GLIS3: variants seen among roughly 807,000 people sequenced by gnomAD.
The protein encoded by GLIS3 is GLIS family zinc finger 3.
A neutral mutation model predicts 78.6 loss-of-function variants in GLIS3; 53 were observed. The observed-to-expected ratio is 0.67, with a 90% confidence interval of 0.54 to 0.85. The LOEUF is 0.85. GLIS3 is among the 40% of genes least tolerant of loss of function. The pLI, the probability that GLIS3 is intolerant of heterozygous loss-of-function variation, is 0.00. For synonymous variants in GLIS3, 684 were observed against 509.9 expected, an observed-to-expected ratio of 1.34 and a Z score of -4.60; for missense variants, 1,703 against 1,231.1, an observed-to-expected ratio of 1.38 and a Z score of -5.74.
the GLIS3 span, among the ~76,000 whole-genome samples, chr9:4,416,251 T>TA: frequency 7.8e-5 from 7 of 89,894 alleles, 1 homozygote; most frequent in Admixed American, 1.2e-4. Flanking sequence ...GACACTGTTT[T>TA]TAAAAAAAAA....
intron 2 of GLIS3, among the ~76,000 whole-genome samples, chr9:4,145,352 C>G (rs1230469189): frequency 2.0e-5 from 3 of 152,210 alleles, no homozygotes; most frequent in Admixed American, 6.5e-5. Flanking sequence ...AAATGAAAAA[C>G]TACACCCAAA....
upstream of GLIS3, among the ~76,000 whole-genome samples, chr9:4,300,611 A>T (rs73384164): frequency 0.059 from 8,963 of 152,074 alleles, 869 homozygotes; most frequent in African/African-American, 0.2. Flanking sequence ...AAAATTCTGA[A>T]CACAGGCTGT....
At chr9:4,163,809 T>C (rs963389531) in intron 2 of GLIS3, among the ~76,000 whole-genome samples, 1 of 152,196 alleles carries the variant, frequency 6.6e-6, no homozygotes, top group African/African-American at 2.4e-5. Context: ...AGTATGTTAG[T>C]TGGTGGTGGT....
chr9:3,902,399 G>A (rs1823372784), intron 6 of GLIS3, among the ~76,000 whole-genome samples: 1 of 152,166 alleles, frequency 6.6e-6, no homozygotes, highest in African/African-American at 2.4e-5. Flanking sequence ...GAGGCAGGAG[G>A]CACATAGCAG....
At chr9:4,020,866 G>T (rs1236572657) in intron 4 of GLIS3, among the ~76,000 whole-genome samples, 1 of 152,194 alleles carries the variant, frequency 6.6e-6, no homozygotes, top group African/African-American at 2.4e-5. Context: ...TACTGGTCGT[G>T]TATCTCCTGA....
chr9:4,439,669 G>T, the GLIS3 span, among the ~76,000 whole-genome samples: 1 of 152,132 alleles, frequency 6.6e-6, no homozygotes, highest in South Asian at 2.1e-4. Context: ...TTATGCAGTT[G>T]TTTTTGGTTT....
intron 2 of GLIS3, among the ~76,000 whole-genome samples, chr9:4,334,265 G>C (rs1817722769): frequency 6.6e-6 from 1 of 152,188 alleles, no homozygotes; most frequent in Non-Finnish European, 1.5e-5. Context: ...TTCCCAAGGA[G>C]CTTTCTGGAT....
chr9:4,283,213 A>G (rs962230685), intron 2 of GLIS3, among the ~76,000 whole-genome samples: 2 of 151,572 alleles, frequency 1.3e-5, no homozygotes, highest in Non-Finnish European at 2.9e-5. Flanking sequence ...ATGTGGCCAT[A>G]TCATTCTGAG....
chr9:4,479,198 T>G, the GLIS3 span, among the ~76,000 whole-genome samples: 97 of 152,300 alleles, frequency 6.4e-4, no homozygotes, highest in Non-Finnish European at 1.2e-3. Context: ...AGTGCTGGGA[T>G]TATAGGCATG....
chr9:3,836,181 C>T (rs139341564), intron 9 of GLIS3, among the ~76,000 whole-genome samples: 5 of 152,284 alleles, frequency 3.3e-5, no homozygotes, highest in Admixed American at 2.6e-4. Flanking sequence ...GATTTCCTGC[C>T]GTTGGTGCTA....
At chr9:4,458,570 A>C in the GLIS3 span, among the ~76,000 whole-genome samples, 1 of 152,174 alleles carries the variant, frequency 6.6e-6, no homozygotes, top group South Asian at 2.1e-4. Flanking sequence ...CAGGCAGGTC[A>C]TGAGGTTAGG....
chr9:4,080,493 T>C (rs992718014), intron 4 of GLIS3, among the ~76,000 whole-genome samples: 1 of 152,214 alleles, frequency 6.6e-6, no homozygotes, highest in African/African-American at 2.4e-5. Flanking sequence ...GATTTAATAC[T>C]GCCCTGTTGT....
At chr9:4,084,039 C>T (rs1828782881) in intron 4 of GLIS3, among the ~76,000 whole-genome samples, 1 of 152,134 alleles carries the variant, frequency 6.6e-6, no homozygotes, top group Non-Finnish European at 1.5e-5. Context: ...GCTCTGTTAC[C>T]ATTCAGAGTC....
intron 4 of GLIS3, among the ~76,000 whole-genome samples, chr9:3,976,787 T>C (rs1423321295): frequency 5.3e-5 from 3 of 57,014 alleles, no homozygotes; most frequent in East Asian, 7.1e-4. Flanking sequence ...ACAGAAATCC[T>C]CCCCCTGCAA....
the GLIS3 span, among the ~76,000 whole-genome samples, chr9:4,371,060 TA>T: frequency 6.6e-6 from 1 of 152,260 alleles, no homozygotes; most frequent in Admixed American, 6.5e-5. Context: ...TTTTTCATTT[TA>T]TTCACTTGTA....
chr9:4,195,424 G>A (rs1818732585), intron 2 of GLIS3, among the ~76,000 whole-genome samples: 1 of 152,326 alleles, frequency 6.6e-6, no homozygotes, highest in East Asian at 1.9e-4. Flanking sequence ...CCCAGACAGT[G>A]AGGGGCTTAG....
At chr9:4,045,282 C>T (rs1040494229) in intron 4 of GLIS3, among the ~76,000 whole-genome samples, 5 of 152,116 alleles carry the variant, frequency 3.3e-5, no homozygotes, top group Non-Finnish European at 7.4e-5. Flanking sequence ...TTGTGGATTT[C>T]ACGTAACTAA....
At chr9:4,037,186 G>C (rs1824386761) in intron 4 of GLIS3, among the ~76,000 whole-genome samples, 1 of 152,142 alleles carries the variant, frequency 6.6e-6, no homozygotes, top group Admixed American at 6.5e-5. Context: ...ACTCTTCACA[G>C]ACAAAGCTGT....
At chr9:4,458,508 G>A in the GLIS3 span, among the ~76,000 whole-genome samples, 549 of 152,260 alleles carry the variant, frequency 3.6e-3, 11 homozygotes, top group Admixed American at 0.026. Context: ...GGTGGCCAGG[G>A]GCCAGGTGCA....
Sources: gnomAD v4.1 joint callset for allele counts (sites outside exome capture counted in the v4.1 genomes callset) on GRCh38, gnomAD v4.1.1 for gene constraint, MANE v1.5 for transcripts, NCBI Gene and HGNC (gene_info 2026-07-23, HGNC 2026-07-21) for gene names.